NFILZ: variants seen among roughly 807,000 people sequenced by gnomAD.
NFILZ encodes the protein NFIL3 like basic leucine zipper.
At chr19:8,663,784 T>TGTGTGTGTGTGTATGTATGTG (rs2043048867) in intron 3 of NFILZ, among the ~76,000 whole-genome samples, 1 of 19,634 alleles carries the variant, frequency 5.1e-5, no homozygotes, top group Non-Finnish European at 1.2e-4. Context: ...GTATGTGTGT[T>TGTGTGTGTGTGTATGTATGTG]TGTTGTGGGG....
In NFILZ at chr19:8,677,773, G is replaced by T. The variant is rs1459202676; in HGVS notation, c.*138G>T. ...GAAGTAGGGGTGCCCTGGCTTGGAAGGTCCACTTCACAGCTTCCATACCAG... is the reference window on the plus strand; with the variant it reads ...GAAGTAGGGGTGCCCTGGCTTGGAATGTCCACTTCACAGCTTCCATACCAG... On this transcript the variant is annotated 3_prime_UTR_variant, in exon 6 of 6. Coordinates refer to ENST00000691075, the MANE Select transcript of NFILZ (RefSeq NM_001378600.1). 5.9e-5 allele frequency among the ~76,000 whole-genome samples: 9 copies of T among 152,084 alleles called. No individual in the cohort carries two copies. Among genetic ancestry groups the T allele is most frequent in the Non-Finnish European group, 1.0e-4 (7 of 68,006 alleles).
chr19:8,657,436 G>T (rs1373909144), intron 3 of NFILZ, among the ~76,000 whole-genome samples: 2 of 152,078 alleles, frequency 1.3e-5, no homozygotes, highest in Non-Finnish European at 2.9e-5. Context: ...GGTCGTTGGG[G>T]ACTCTGGCTG....
intron 3 of NFILZ, among the ~76,000 whole-genome samples, chr19:8,656,350 T>TTGTCCCTGCAGCCCAC (rs1600147418): frequency 9.6e-6 from 1 of 103,848 alleles, no homozygotes; most frequent in Non-Finnish European, 2.1e-5. Context: ...GAAGCCCACC[T>TTGTCCCTGCAGCCCAC]CTTCCCTGAA....
intron 3 of NFILZ, among the ~76,000 whole-genome samples, chr19:8,673,905 A>G (rs2043099644): frequency 6.6e-6 from 1 of 152,172 alleles, no homozygotes. Context: ...CAGTGGCGCA[A>G]TCTTGGCTCA....
chr19:8,641,451 C>A (rs1270308900), intron 3 of NFILZ, among the ~76,000 whole-genome samples: 1 of 152,160 alleles, frequency 6.6e-6, no homozygotes, highest in African/African-American at 2.4e-5. Flanking sequence ...TCCTCCCACC[C>A]CAAATATATT....
In NFILZ at chr19:8,646,488, T is replaced by C. The variant is rs573434841; in HGVS notation, c.-164+10742T>C. On this transcript the variant is annotated intron_variant, in intron 3 of 5. Coordinates refer to ENST00000691075, the MANE Select transcript of NFILZ (RefSeq NM_001378600.1). ...TGTGTTCAGTTCTGCCACTTGCTTCTGTTTTTACACCCAAAGGAGTTCTGA... is the reference window on the plus strand; with the variant it reads ...TGTGTTCAGTTCTGCCACTTGCTTCCGTTTTTACACCCAAAGGAGTTCTGA... Among the ~76,000 whole-genome samples the C allele has an allele frequency of 1.1e-4, 17 of 152,306 alleles. 1 individual carries two copies. The highest frequency in any genetic ancestry group is 8.5e-4 in the Admixed American group (13 of 15,294).
intron 3 of NFILZ, among the ~76,000 whole-genome samples, chr19:8,652,103 ATTTTTT>A (rs35038370): frequency 7.1e-6 from 1 of 141,798 alleles, no homozygotes; most frequent in Non-Finnish European, 1.5e-5. Context: ...CCACTGGGAG[ATTTTTT>A]TTTTTTTTTT....
rs149564395 is a variant in NFILZ at position 8,632,971 on chromosome 19, C to T, written c.-261+346C>T. Among the ~76,000 whole-genome samples, 4,257 of 149,850 alleles carry T rather than the reference C, an allele frequency of 0.028. 268 individuals carry two copies. The East Asian group carries it at 0.29, about 10-fold the overall frequency. On this transcript the variant is annotated intron_variant, in intron 2 of 5. Transcript: ENST00000691075. Reference sequence around the variant, plus strand: ...CTCTTGACCTCAGGTGATCCGCCTGCCTCAGCCTCCCAAAGTGCTGGGATT... The same window carrying T: ...CTCTTGACCTCAGGTGATCCGCCTGTCTCAGCCTCCCAAAGTGCTGGGATT...
intron 3 of NFILZ, among the ~76,000 whole-genome samples, chr19:8,659,178 G>A (rs1555748779): frequency 6.6e-6 from 1 of 151,102 alleles, no homozygotes; most frequent in African/African-American, 2.4e-5. Flanking sequence ...ACCTGAGAAG[G>A]CGGAGATGGC....
intron 3 of NFILZ, among the ~76,000 whole-genome samples, chr19:8,660,061 T>C (rs2146159519): frequency 6.6e-6 from 1 of 152,254 alleles, no homozygotes; most frequent in Admixed American, 6.5e-5. Flanking sequence ...CCAGAGGAGC[T>C]GTGTCTTGGC....
At chr19:8,641,487 G>A (rs112490907) in intron 3 of NFILZ, among the ~76,000 whole-genome samples, 151,062 of 152,350 alleles carry the variant, frequency 0.99, 74,900 homozygotes, top group East Asian at 1. Context: ...GCAGATAGTT[G>A]TATGGTATTG....
intron 3 of NFILZ, among the ~76,000 whole-genome samples, chr19:8,656,510 CTCCT>C (rs2043004051): frequency 1.9e-4 from 24 of 129,154 alleles, no homozygotes; most frequent in Non-Finnish European, 2.9e-4. Flanking sequence ...AGCCCACCTT[CTCCT>C]GCAGCCCACC....
intron 3 of NFILZ, among the ~76,000 whole-genome samples, chr19:8,654,801 G>A (rs116471364): frequency 0.01 from 1,537 of 152,188 alleles, 23 homozygotes; most frequent in African/African-American, 0.035. Flanking sequence ...CCCCAGCCCC[G>A]CCTCGGGGTC....
At chr19:8,673,582 C>G (rs1451906826) in intron 3 of NFILZ, among the ~76,000 whole-genome samples, 4 of 152,124 alleles carry the variant, frequency 2.6e-5, no homozygotes, top group Admixed American at 6.5e-5. Context: ...TCTGGAGTCT[C>G]CCCAGTGACC....
chr19:8,648,760 G>A (rs2042953108), intron 3 of NFILZ, among the ~76,000 whole-genome samples: 1 of 151,666 alleles, frequency 6.6e-6, no homozygotes, highest in Admixed American at 6.6e-5. Context: ...GCTGAGGGCA[G>A]GAGAATGGCT....
chr19:8,637,080 A>T (rs1555746178), intron 3 of NFILZ, among the ~76,000 whole-genome samples: 1 of 152,134 alleles, frequency 6.6e-6, no homozygotes, highest in Non-Finnish European at 1.5e-5. Flanking sequence ...TTTTAAAAAA[A>T]TGGGCAAGGC....
intron 3 of NFILZ, among the ~76,000 whole-genome samples, chr19:8,664,398 C>T (rs964870383): frequency 6.7e-6 from 1 of 150,138 alleles, no homozygotes; most frequent in South Asian, 2.2e-4. Flanking sequence ...TCCTGGCACT[C>T]GGGACCCCAG....
At chr19:8,653,163 C>T (rs1435400161) in intron 3 of NFILZ, among the ~76,000 whole-genome samples, 1 of 151,232 alleles carries the variant, frequency 6.6e-6, no homozygotes, top group Non-Finnish European at 1.5e-5. Context: ...CTCACTGCAA[C>T]CTTCGCCTCC....
intron 4 of NFILZ, among the ~76,000 whole-genome samples, chr19:8,675,355 T>C (rs1176345544): frequency 1.3e-5 from 2 of 152,170 alleles, no homozygotes; most frequent in Non-Finnish European, 2.9e-5. Context: ...ACCCAGATCT[T>C]TGTGTTAGAG....
Sources: gnomAD v4.1 joint callset for allele counts (sites outside exome capture counted in the v4.1 genomes callset) on GRCh38, gnomAD v4.1.1 for gene constraint, MANE v1.5 for transcripts, NCBI Gene and HGNC (gene_info 2026-07-23, HGNC 2026-07-21) for gene names.